GPC1: variants seen among roughly 807,000 people sequenced by gnomAD.
GPC1 encodes the protein glypican 1.
Under a neutral mutation model 51.5 loss-of-function variants are expected in GPC1, and 26 were observed. The ratio of observed to expected loss-of-function variants is 0.50; its 90% CI spans 0.37 to 0.70. The LOEUF is 0.70. Ranked by LOEUF, GPC1 falls within the 30% of genes least tolerant of loss-of-function variation. The pLI is 0.00. For missense variants in GPC1, 775 were observed against 800.5 expected, an observed-to-expected ratio of 0.97 and a Z score of 0.38; for synonymous variants, 380 against 348.3, an observed-to-expected ratio of 1.09 and a Z score of -1.01.
chr2:240,437,754 G>A (rs1228046699), intron 1 of GPC1, among the ~76,000 whole-genome samples: 1 of 152,138 alleles, frequency 6.6e-6, no homozygotes, highest in East Asian at 1.9e-4. Context: ...CCAGAGTCTT[G>A]AACCCTGCTC....
chr2:240,446,967 C>T (rs1474641018), intron 1 of GPC1, among the ~76,000 whole-genome samples: 1 of 152,174 alleles, frequency 6.6e-6, no homozygotes, highest in Non-Finnish European at 1.5e-5. Context: ...CCGAGCATCT[C>T]ATCCATGGGG....
At chr2:240,438,449 C>A (rs1235371206) in intron 1 of GPC1, among the ~76,000 whole-genome samples, 1 of 152,202 alleles carries the variant, frequency 6.6e-6, no homozygotes, top group Non-Finnish European at 1.5e-5. Flanking sequence ...CCTCTGGTGG[C>A]CCCTGGGCGG....
chr2:240,457,046 G>T (rs1056321370), intron 1 of GPC1, among the ~76,000 whole-genome samples: 1 of 152,122 alleles, frequency 6.6e-6, no homozygotes, highest in Non-Finnish European at 1.5e-5. Context: ...AAGGAGGGGC[G>T]GGGGGCGCAG....
chr2:240,452,745 C>T (rs887620401), intron 1 of GPC1: 1 of 149,866 alleles, frequency 6.7e-6, no homozygotes, highest in African/African-American at 2.4e-5. Flanking sequence ...CGGTGCCGAG[C>T]GCGGCGGGGC....
intron 1 of GPC1, among the ~76,000 whole-genome samples, chr2:240,446,835 C>T (rs1211885916): frequency 6.6e-6 from 1 of 152,138 alleles, no homozygotes; most frequent in Non-Finnish European, 1.5e-5. Context: ...TCATTCGGCC[C>T]GCAGAGGACG....
chr2:240,439,444 GC>G (rs976790192), intron 1 of GPC1, among the ~76,000 whole-genome samples: 5 of 152,302 alleles, frequency 3.3e-5, no homozygotes, highest in African/African-American at 1.2e-4. Context: ...CACAGAAACT[GC>G]CCAGCCGCTC....
In GPC1 at chr2:240,436,065, G is replaced by T; in HGVS notation, c.147G>T (p.Val49=). 7.6e-7 allele frequency: 1 copy of T among 1,317,768 alleles called. No individual in the cohort carries two copies. The highest frequency in any genetic ancestry group is 9.7e-7 in the Non-Finnish European group (1 of 1,031,778). 81.6% of individuals were successfully genotyped at this position (1,317,768 alleles called of 1,614,324 possible). ...CCAAGGGCTTCAGCCTGAGCGACGT[G>T]CCCCAGGCGGAGATCTCGGGTGAGT... ...YGAKGFSLSD[V]PQAEISGEHL... The change falls in exon 1 of 9, where the codon GTG becomes GTT. Residue 49 remains valine, a synonymous_variant. Coordinates refer to ENST00000264039, the MANE Select transcript of GPC1 (RefSeq NM_002081.3).
intron 8 of GPC1, 135 bp from the exon 9 acceptor site, chr2:240,465,923 G>A (rs2074257483): frequency 1.6e-6 from 1 of 639,106 alleles, no homozygotes; most frequent in Non-Finnish European, 2.8e-6. Context: ...GGGGTCAGCG[G>A]GGATCAGGTG....
Position 240,448,149 on chromosome 2 carries a change from C to A in GPC1, c.167-10881C>A, listed in dbSNP as rs1378161644. Among the ~76,000 whole-genome samples, 1 of 152,132 alleles carries A rather than the reference C, an allele frequency of 6.6e-6. No homozygotes were observed. The highest frequency in any genetic ancestry group is 2.4e-5 in the African/African-American group (1 of 41,430). On this transcript the variant is annotated intron_variant, in intron 1 of 8. Transcript: ENST00000264039. The surrounding 1 kb of genome is among the most constrained non-coding windows in gnomAD (Gnocchi z 4.5). Reference sequence around the variant, plus strand: ...TCAAGGGTGGAGAGTTCAGGAGGCACCGCAGGCCCTGTGGAGAGGCAGGAA... The same window carrying A: ...TCAAGGGTGGAGAGTTCAGGAGGCAACGCAGGCCCTGTGGAGAGGCAGGAA...
intron 1 of GPC1, among the ~76,000 whole-genome samples, chr2:240,455,450 C>A (rs1029922715): frequency 1.3e-5 from 2 of 152,128 alleles, no homozygotes; most frequent in Admixed American, 6.5e-5. Context: ...CCGGAAGGGC[C>A]CAGATGCCTC....
chr2:240,465,974 CACCTGGCACGGGCCCTT>C, intron 8 of GPC1, 67 bp from the exon 9 acceptor site: 1 of 685,818 alleles, frequency 1.5e-6, no homozygotes, highest in Middle Eastern at 3.9e-4. Flanking sequence ...ATGTTGGGGT[CACCTGGCACGGGCCCTT>C]ACAGGGTGGT....
Position 240,448,566 on chromosome 2 carries a change from CA to C in GPC1, c.167-10463del, listed in dbSNP as rs1354169835. Among the ~76,000 whole-genome samples, 1 of 152,090 alleles carries C rather than the reference CA, an allele frequency of 6.6e-6. No homozygotes were observed. Among genetic ancestry groups the C allele is most frequent in the Non-Finnish European group, 1.5e-5 (1 of 68,002 alleles). On this transcript the variant is annotated intron_variant, in intron 1 of 8. Transcript: ENST00000264039. The surrounding 1 kb of genome is among the most constrained non-coding windows in gnomAD (Gnocchi z 4.5). Reference sequence around the variant, plus strand: ...GGGAAATGGGTGGGAGTCACGGAGGCAGGGGGCCCCCATTCCCACCTGCTCC... The same window carrying C: ...GGGAAATGGGTGGGAGTCACGGAGGCGGGGGCCCCCATTCCCACCTGCTCC...
intron 1 of GPC1, among the ~76,000 whole-genome samples, chr2:240,436,525 G>A (rs2073985391): frequency 6.6e-6 from 1 of 152,198 alleles, no homozygotes; most frequent in Admixed American, 6.5e-5. Context: ...GGGCTTTCGG[G>A]GCGCCGCTGA....
chr2:240,457,998 T>G lies in GPC1; in HGVS notation c.167-1032T>G, dbSNP rs370303089. 2.6e-4 allele frequency: 120 copies of G among 468,320 alleles called. 2 individuals are homozygous for G. In the East Asian group the frequency reaches 5.7e-3, roughly 22 times the overall value. 29.0% of individuals were successfully genotyped at this position (468,320 alleles called of 1,614,324 possible). ...GACCTAGGCCAGCACCAGGAGGGCC[T>G]TAGAGGCGGGGGACGAGGCCCAGAA... On this transcript the variant is annotated intron_variant, in intron 1 of 8. Coordinates refer to ENST00000264039, the MANE Select transcript of GPC1 (RefSeq NM_002081.3).
At chr2:240,459,363 G>C (rs1003573137) in intron 2 of GPC1, among the ~76,000 whole-genome samples, 175 bp downstream of exon 2, 3 of 152,086 alleles carry the variant, frequency 2.0e-5, no homozygotes, top group Non-Finnish European at 4.4e-5. Flanking sequence ...GGGATTTGGG[G>C]GCTGCCCTCA....
chr2:240,443,155 G>C (rs528246334), intron 1 of GPC1, among the ~76,000 whole-genome samples: 22 of 152,390 alleles, frequency 1.4e-4, no homozygotes, highest in Non-Finnish European at 2.5e-4. Context: ...GAACTGGGGT[G>C]GGGGGCAGTG....
chr2:240,451,697 C>G (rs1240680502), intron 1 of GPC1: 1 of 206,760 alleles, frequency 4.8e-6, no homozygotes, highest in Non-Finnish European at 9.7e-6. Flanking sequence ...CTTTCATCCC[C>G]AGTCTGAGGC....
At position 240,451,296 on chromosome 2, in the gene GPC1, G is replaced by T. The variant is rs144328540; in HGVS notation, c.167-7734G>T. The T allele has an allele frequency of 5.1e-5, 24 of 470,296 alleles. No homozygotes were observed. In the East Asian group the frequency reaches 1.3e-3, roughly 26 times the overall value. 29.1% of individuals were successfully genotyped at this position (470,296 alleles called of 1,614,324 possible). On this transcript the variant is annotated intron_variant, in intron 1 of 8. Coordinates refer to ENST00000264039, the MANE Select transcript of GPC1 (RefSeq NM_002081.3). ...CGGCGTCTTTGTGGACTGGAATGTG[G>T]CTGCTGCGTCCCCTTCTGCGTTTCT...
At chr2:240,463,768 C>T (rs1002731505) in intron 4 of GPC1, 6 of 538,410 alleles carry the variant, frequency 1.1e-5, no homozygotes, top group Admixed American at 1.0e-4. Flanking sequence ...TCCTTCCCCA[C>T]TTAGCAAGCA....
Sources: allele counts gnomAD v4.1 joint callset (sites outside exome capture counted in the v4.1 genomes callset), GRCh38; gene constraint gnomAD v4.1.1; non-coding constraint Gnocchi (gnomAD v3.1); transcripts MANE v1.5; gene names NCBI Gene and HGNC (gene_info 2026-07-23, HGNC 2026-07-21).